TRPM3: variants seen among roughly 807,000 people sequenced by gnomAD.
The protein encoded by TRPM3 is long transient receptor potential channel 3.
In TRPM3, 77 loss-of-function variants were observed where a neutral mutation model predicts 181.2. The observed-to-expected ratio is 0.42, with a 90% CI of 0.35 to 0.51. The LOEUF (loss-of-function observed/expected upper bound fraction) is 0.51, where lower values mean the gene tolerates loss of function less well. Ranked by LOEUF, TRPM3 falls within the 20% of genes least tolerant of loss-of-function variation. The pLI is 0.01. For missense variants in TRPM3, 1,759 were observed against 2,196.7 expected (o/e 0.80, Z 3.98); for synonymous variants, 745 against 796.4 (o/e 0.94, Z 1.09).
At chr9:70,785,390 C>G (rs1010026292) in intron 6 of TRPM3, among the ~76,000 whole-genome samples, 1 of 152,086 alleles carries the variant, frequency 6.6e-6, no homozygotes, top group Non-Finnish European at 1.5e-5. Flanking sequence ...GAATAACTTC[C>G]TTTTGTTCAA....
At chr9:70,564,581 G>T (rs1186510681) in intron 22 of TRPM3, among the ~76,000 whole-genome samples, 1 of 152,190 alleles carries the variant, frequency 6.6e-6, no homozygotes, top group African/African-American at 2.4e-5. Flanking sequence ...AAAGAGGGAA[G>T]AGCCAGGGCC....
At chr9:70,788,579 G>A (rs990165452) in intron 6 of TRPM3, among the ~76,000 whole-genome samples, 1 of 152,078 alleles carries the variant, frequency 6.6e-6, no homozygotes, top group East Asian at 1.9e-4. Context: ...CATGGACGCC[G>A]GAAGGGGGAT....
intron 9 of TRPM3, among the ~76,000 whole-genome samples, chr9:70,667,051 G>T (rs753855175): frequency 2.6e-5 from 4 of 151,270 alleles, no homozygotes; most frequent in Non-Finnish European, 5.9e-5. Context: ...AGACAGTATT[G>T]GTGAATTTCC....
chr9:70,993,517 G>A (rs2097509370), intron 1 of TRPM3, among the ~76,000 whole-genome samples: 1 of 152,140 alleles, frequency 6.6e-6, no homozygotes, highest in Non-Finnish European at 1.5e-5. Context: ...GGGGCAGGCT[G>A]AAAAATCAAA....
intron 22 of TRPM3, chr9:70,579,153 T>A (rs2054892765): frequency 6.6e-6 from 1 of 152,432 alleles, no homozygotes; most frequent in Non-Finnish European, 1.5e-5. Context: ...ATTTTTATTT[T>A]TAGTTTTTTA....
chr9:70,808,222 G>C (rs2091127809), intron 6 of TRPM3, among the ~76,000 whole-genome samples: 1 of 152,142 alleles, frequency 6.6e-6, no homozygotes, highest in South Asian at 2.1e-4. Context: ...CTGACTTTGA[G>C]ACCAAAATGC....
intron 1 of TRPM3, among the ~76,000 whole-genome samples, chr9:71,349,985 ATATATATATATATATATG>A (rs759547804): frequency 3.2e-3 from 147 of 45,580 alleles, no homozygotes; most frequent in Admixed American, 4.1e-3. Flanking sequence ...ATATATATAT[ATATATATATATATATATG>A]GGCCTAAAAA....
chr9:71,422,975 C>A (rs1160124343), intron 1 of TRPM3, among the ~76,000 whole-genome samples: 2 of 152,186 alleles, frequency 1.3e-5, no homozygotes, highest in East Asian at 3.9e-4. Flanking sequence ...GCAATATTGA[C>A]AATGCAAAAC....
chr9:70,833,570 A>C (rs1436525254), intron 5 of TRPM3, among the ~76,000 whole-genome samples: 1 of 152,122 alleles, frequency 6.6e-6, no homozygotes, highest in Non-Finnish European at 1.5e-5. Flanking sequence ...GGGCTCAAAG[A>C]GGTGAGGTAT....
intron 1 of TRPM3, among the ~76,000 whole-genome samples, chr9:71,006,619 C>T (rs1217843563): frequency 6.6e-6 from 1 of 152,148 alleles, no homozygotes; most frequent in Admixed American, 6.5e-5. Context: ...CCTGTAATCT[C>T]AGCACTTTGG....
Position 70,965,121 on chromosome 9 carries a change from T to A in TRPM3, c.178-100610A>T, listed in dbSNP as rs565903518. ...CATGCTCTCAAATTATCCTTTTTTT[T>A]ATTTATTTTTTTTAAATTCACAGTA... On this transcript the variant is annotated intron_variant, in intron 1 of 25. Transcript: ENST00000677713. Among the ~76,000 whole-genome samples the A allele has an allele frequency of 2.9e-3, 443 of 152,152 alleles. 2 individuals carry two copies. Among genetic ancestry groups the A allele is most frequent in the Middle Eastern group, 0.01 (3 of 294 alleles).
chr9:71,366,833 G>A (rs1378962895), intron 1 of TRPM3, among the ~76,000 whole-genome samples: 2 of 151,674 alleles, frequency 1.3e-5, no homozygotes, highest in South Asian at 2.1e-4. Flanking sequence ...ATTTGGCAGG[G>A]GTAAATCTGT....
At chr9:71,418,889 C>T (rs2093681959) in intron 1 of TRPM3, among the ~76,000 whole-genome samples, 1 of 126,600 alleles carries the variant, frequency 7.9e-6, no homozygotes, top group South Asian at 2.5e-4. Flanking sequence ...TATATATACA[C>T]ACATATATAT....
At chr9:70,824,259 G>C (rs926841464) in intron 6 of TRPM3, among the ~76,000 whole-genome samples, 7 of 152,128 alleles carry the variant, frequency 4.6e-5, no homozygotes, top group Admixed American at 3.9e-4. Context: ...GGGCCATCCT[G>C]AGTGTAAGAG....
chr9:70,880,262 A>G (rs563385942), intron 1 of TRPM3, among the ~76,000 whole-genome samples: 45 of 152,232 alleles, frequency 3.0e-4, no homozygotes, highest in African/African-American at 1.1e-3. Flanking sequence ...CATTTGTTAA[A>G]CAGTATAATT....
chr9:71,391,362 C>T (rs776334134), intron 1 of TRPM3, among the ~76,000 whole-genome samples: 4 of 151,924 alleles, frequency 2.6e-5, no homozygotes, highest in Admixed American at 1.3e-4. Context: ...ACTCAAGCAA[C>T]TACAACTGTC....
intron 1 of TRPM3, among the ~76,000 whole-genome samples, chr9:71,388,232 A>C (rs1007429230): frequency 6.6e-6 from 1 of 152,216 alleles, no homozygotes; most frequent in Non-Finnish European, 1.5e-5. Flanking sequence ...TCATACAGAA[A>C]CATACATAGA....
At chr9:71,306,796 C>T (rs753603778) in intron 1 of TRPM3, among the ~76,000 whole-genome samples, 7 of 152,158 alleles carry the variant, frequency 4.6e-5, no homozygotes, top group Non-Finnish European at 8.8e-5. Flanking sequence ...ATCGCTTGAA[C>T]CTGGGGGTGG....
chr9:70,957,127 A>T (rs992382552), intron 1 of TRPM3, among the ~76,000 whole-genome samples: 6 of 151,162 alleles, frequency 4.0e-5, no homozygotes, highest in Non-Finnish European at 7.4e-5. Context: ...CACCTGGCTA[A>T]TTTTTTTTGT....
Sources: allele counts gnomAD v4.1 joint callset (sites outside exome capture counted in the v4.1 genomes callset), GRCh38; gene constraint gnomAD v4.1.1; transcripts MANE v1.5; gene names NCBI Gene and HGNC (gene_info 2026-07-23, HGNC 2026-07-21).